LEPROTL1: variants seen among roughly 807,000 people sequenced by gnomAD.
LEPROTL1 encodes leptin receptor overlapping transcript-like 1.
A neutral mutation model predicts 15.4 loss-of-function variants in LEPROTL1; 6 were observed. The observed-to-expected ratio is 0.39, with a 90% confidence interval of 0.21 to 0.77. The LOEUF (loss-of-function observed/expected upper bound fraction) is 0.77. Among genes scored for constraint, LEPROTL1 ranks in the 30% least tolerant of loss-of-function variants. LEPROTL1 has a pLI of 0.41. For synonymous variants in LEPROTL1, 56 were observed against 52.6 expected, an observed-to-expected ratio of 1.06 and a Z score of -0.28; for missense variants, 128 against 158.1, an observed-to-expected ratio of 0.81 and a Z score of 1.02.
chr8:30,097,879 CATTTT>C (rs1802399296), intron 1 of LEPROTL1, among the ~76,000 whole-genome samples: 1 of 148,772 alleles, frequency 6.7e-6, no homozygotes. Context: ...AGCCTTATCT[CATTTT>C]AGTCCCTTGG....
chr8:30,102,347 G>A lies in LEPROTL1; in HGVS notation c.92+374G>A, dbSNP rs1428876266. Among the ~76,000 whole-genome samples, 7 of 150,620 alleles carry A rather than the reference G, an allele frequency of 4.6e-5. No individual in the cohort carries two copies. In the East Asian group the frequency reaches 1.4e-3, roughly 30 times the overall value. ...CAAAACACAATTAAAAAAAAAGAGA[G>A]AGATGTAAACAATTACTTTCCGGCC... On this transcript the variant is annotated intron_variant, in intron 2 of 3. Transcript: ENST00000321250.
In LEPROTL1 at chr8:30,101,891, T is replaced by A. The variant is rs763932679; in HGVS notation, c.17-7T>A. On this transcript the variant is annotated splice_polypyrimidine_tract_variant and splice_region_variant and intron_variant, in intron 1 of 3. Coordinates refer to ENST00000321250, the MANE Select transcript of LEPROTL1 (RefSeq NM_015344.3). ...TATTCCTGTTGCACTTTTTATTTGC[T>A]TTGCAGCTTTGATTAGTTTGTCCTT... 1.3e-6 allele frequency: 2 copies of A among 1,581,518 alleles called. No homozygotes were observed. The highest frequency in any genetic ancestry group is 2.3e-5 in the South Asian group (2 of 88,318).
intron 1 of LEPROTL1, among the ~76,000 whole-genome samples, chr8:30,099,635 A>G (rs61280967): frequency 6.7e-6 from 1 of 149,716 alleles, no homozygotes; most frequent in African/African-American, 2.5e-5. Context: ...ACCAGCAAAA[A>G]AACACTTCAC....
exon 5 of LEPROTL1, chr8:30,137,349 T>A: frequency 6.4e-7 from 1 of 1,551,598 alleles, no homozygotes. Context: ...AGCAGCTGCC[T>A]CTCCCAGCAG....
At chr8:30,110,816 T>C (rs1190252801), downstream of LEPROTL1, among the ~76,000 whole-genome samples, 3 of 152,152 alleles carry the variant, frequency 2.0e-5, no homozygotes, top group African/African-American at 7.2e-5. Flanking sequence ...AACCAGCCAA[T>C]AGAATAAAAT....
At chr8:30,111,315 T>G (rs1802650661), downstream of LEPROTL1, among the ~76,000 whole-genome samples, 1 of 152,212 alleles carries the variant, frequency 6.6e-6, no homozygotes, top group African/African-American at 2.4e-5. Flanking sequence ...TGTTTGTCAT[T>G]TACTAATTTA....
intron 4 of LEPROTL1, chr8:30,133,024 T>C: frequency 1.1e-6 from 1 of 894,824 alleles, no homozygotes; most frequent in Non-Finnish European, 1.6e-6. Context: ...CTAAGATTAA[T>C]CTCATGGCCT....
At chr8:30,129,436 G>T (rs368809793) in intron 3 of LEPROTL1, among the ~76,000 whole-genome samples, 2 of 152,090 alleles carry the variant, frequency 1.3e-5, no homozygotes, top group South Asian at 2.1e-4. Flanking sequence ...CGGGAGCGTT[G>T]ACTCACACCT....
chr8:30,126,924 G>A (rs1390739063), intron 3 of LEPROTL1, among the ~76,000 whole-genome samples: 3 of 151,968 alleles, frequency 2.0e-5, no homozygotes, highest in African/African-American at 7.3e-5. Flanking sequence ...CCTGTAATCC[G>A]AGCTACTTTG....
At position 30,105,969 on chromosome 8, in the gene LEPROTL1, G is replaced by A. The variant is rs1043884885; in HGVS notation, c.*107G>A. 1 of 1,312,100 alleles carries A rather than the reference G, an allele frequency of 7.6e-7. No individual in the cohort carries two copies. The highest frequency in any genetic ancestry group is 9.8e-7 in the Non-Finnish European group (1 of 1,018,550). 81.3% of individuals were successfully genotyped at this position (1,312,100 alleles called of 1,614,324 possible). ...GCTGAATGGTATAGCAAGCCTCTTG[G>A]GGGTATTTTAGGTGCTCCCTTCTCA... On this transcript the variant is annotated 3_prime_UTR_variant, in exon 4 of 4. Coordinates refer to ENST00000321250, the MANE Select transcript of LEPROTL1 (RefSeq NM_015344.3).
chr8:30,118,950 C>T (rs1047481562), intron 3 of LEPROTL1, among the ~76,000 whole-genome samples: 7 of 152,202 alleles, frequency 4.6e-5, no homozygotes, highest in Non-Finnish European at 1.0e-4. Flanking sequence ...TTTACTAATC[C>T]TCCTCAGCAC....
chr8:30,108,860 T>C (rs1298869382), downstream of LEPROTL1, among the ~76,000 whole-genome samples: 3 of 152,174 alleles, frequency 2.0e-5, no homozygotes, highest in East Asian at 5.8e-4. Context: ...ACTCCTGGCC[T>C]CAAGTTATCG....
At chr8:30,119,398 T>C (rs189769026) in intron 3 of LEPROTL1, among the ~76,000 whole-genome samples, 28 of 152,324 alleles carry the variant, frequency 1.8e-4, no homozygotes, top group African/African-American at 6.7e-4. Flanking sequence ...GTCTCCCTCA[T>C]TGGCTTGCAG....
Position 30,095,530 on chromosome 8 carries a change from T to C in LEPROTL1, c.16+2T>C. The C allele has an allele frequency of 1.4e-6, 2 of 1,433,172 alleles. No homozygotes were observed. The highest frequency in any genetic ancestry group is 1.8e-6 in the Non-Finnish European group (2 of 1,095,512). 88.8% of individuals were successfully genotyped at this position (1,433,172 alleles called of 1,614,324 possible). On this transcript the variant is annotated splice_donor_variant, in intron 1 of 3. Transcript: ENST00000321250. LOFTEE classifies it high-confidence loss of function. ...TCACCGCCATGGCAGGCATCAAAGGTGGGCCTGGGTTGCAGGACGCGGGAG... is the reference window on the plus strand; with the variant it reads ...TCACCGCCATGGCAGGCATCAAAGGCGGGCCTGGGTTGCAGGACGCGGGAG...
downstream of LEPROTL1, among the ~76,000 whole-genome samples, chr8:30,113,224 C>T (rs1164674830): frequency 2.0e-5 from 3 of 151,912 alleles, no homozygotes; most frequent in Non-Finnish European, 4.4e-5. Flanking sequence ...TGCAGTAAGC[C>T]GAGATTGCAC....
chr8:30,105,969 G>T lies in LEPROTL1; in HGVS notation c.*107G>T, dbSNP rs1043884885. On this transcript the variant is annotated 3_prime_UTR_variant, in exon 4 of 4. Transcript: ENST00000321250. ...GCTGAATGGTATAGCAAGCCTCTTG[G>T]GGGTATTTTAGGTGCTCCCTTCTCA... 2 of 1,312,100 alleles carry T rather than the reference G, an allele frequency of 1.5e-6. No individual in the cohort carries two copies. The highest frequency in any genetic ancestry group is 2.0e-6 in the Non-Finnish European group (2 of 1,018,550). 81.3% of individuals were successfully genotyped at this position (1,312,100 alleles called of 1,614,324 possible).
chr8:30,109,274 G>A (rs985157875), downstream of LEPROTL1, among the ~76,000 whole-genome samples: 1 of 152,120 alleles, frequency 6.6e-6, no homozygotes, highest in African/African-American at 2.4e-5. Context: ...ATTGAAATTC[G>A]TATTTCTTCT....
chr8:30,109,563 C>G (rs1247861082), downstream of LEPROTL1, among the ~76,000 whole-genome samples: 2 of 152,130 alleles, frequency 1.3e-5, no homozygotes, highest in East Asian at 1.9e-4. Context: ...TATTTCCCCC[C>G]CATTGTAAGT....
At chr8:30,096,027 C>T (rs865985399) in intron 1 of LEPROTL1, 3 of 600,610 alleles carry the variant, frequency 5.0e-6, no homozygotes, top group South Asian at 3.7e-5. Flanking sequence ...CCCACGTCCA[C>T]CCCGGCCGCC....
Sources: allele counts gnomAD v4.1 joint callset (sites outside exome capture counted in the v4.1 genomes callset), GRCh38; gene constraint gnomAD v4.1.1; transcripts MANE v1.5; gene names NCBI Gene and HGNC (gene_info 2026-07-23, HGNC 2026-07-21).